The following PIGF variants were observed in gnomAD, a reference collection of about 807,000 sequenced individuals.
The protein encoded by PIGF is phosphatidylinositol glycan anchor biosynthesis class F, also known as GPI ethanolamine phosphate transferase, stabilizing subunit.
PIGF carries 23 observed loss-of-function variants against 26.0 expected under a neutral mutation model. That is an observed-to-expected ratio of 0.88 (90% confidence interval 0.64 to 1.25). PIGF has a LOEUF of 1.25. PIGF is among the 50% of genes most tolerant of loss of function. The pLI is 0.00. For missense variants in PIGF, 278 were observed against 249.9 expected (o/e 1.11, Z -0.76); for synonymous variants, 93 against 92.6 (o/e 1.00, Z -0.03).
At chr2:46,616,644 C>G (rs1244500417) in intron 1 of PIGF, 1 of 155,352 alleles carries the variant, frequency 6.4e-6, no homozygotes, top group South Asian at 1.8e-4. Flanking sequence ...CGGGCATCGC[C>G]GCACCTTCAC....
intron 4 of PIGF, among the ~76,000 whole-genome samples, chr2:46,604,262 G>T (rs774688710): frequency 6.6e-6 from 1 of 152,014 alleles, no homozygotes; most frequent in Non-Finnish European, 1.5e-5. Context: ...CATACTGTTG[G>T]TGGGAATGTA....
At chr2:46,596,943 A>T (rs755912952) in intron 4 of PIGF, among the ~76,000 whole-genome samples, 3 of 152,160 alleles carry the variant, frequency 2.0e-5, no homozygotes, top group Admixed American at 6.5e-5. Flanking sequence ...ATAATCTTTA[A>T]TTGTCCATGG....
intron 5 of PIGF, chr2:46,591,676 C>G: frequency 1.9e-6 from 2 of 1,041,454 alleles, no homozygotes; most frequent in Non-Finnish European, 2.4e-6. Flanking sequence ...TAATGGCATA[C>G]TACAAAGTCA....
rs186205049 is a variant in PIGF, at chr2:46,581,571, C to G, written c.567G>C (p.Thr189=). 5 of 1,611,216 alleles carry G rather than the reference C, an allele frequency of 3.1e-6. No individual in the cohort carries two copies. Among genetic ancestry groups the G allele is most frequent in the Non-Finnish European group, 4.2e-6 (5 of 1,179,354 alleles). ...CCACGTAGCCAAAGGTCGCTCCAAG[C>G]GTACAGGAGATGGGCCATACCTGAG... The part of the protein sequence containing the change: ...RPWQVWPISC[T]LGATFGYVAG... The change falls in exon 6 of 6, where the codon ACG becomes ACC. Residue 189 remains threonine, a synonymous_variant. Transcript: ENST00000281382.
intron 3 of PIGF, among the ~76,000 whole-genome samples, chr2:46,612,804 G>A (rs1205703685): frequency 6.6e-6 from 1 of 152,246 alleles, no homozygotes; most frequent in South Asian, 2.1e-4. Flanking sequence ...ATAAACTAAA[G>A]ATTGGTGGGG....
Position 46,606,496 on chromosome 2 carries a change from A to C in PIGF, c.437+5732T>G, listed in dbSNP as rs371588384. On this transcript the variant is annotated intron_variant, in intron 4 of 5. Coordinates refer to ENST00000281382, the MANE Select transcript of PIGF (RefSeq NM_002643.4). The stretch of plus-strand genomic sequence containing the variant: ...TCACAGTGTGGGTTAAATTTATCCT[A>C]ACCCTATCCCTTATTAAAGGATATT... Among the ~76,000 whole-genome samples the C allele has an allele frequency of 2.1e-4, 32 of 152,292 alleles. 1 individual carries two copies. The East Asian group carries it at 2.7e-3, about 13-fold the overall frequency.
At chr2:46,587,564 A>C (rs1669615566) in intron 5 of PIGF, among the ~76,000 whole-genome samples, 2 of 152,202 alleles carry the variant, frequency 1.3e-5, no homozygotes. Context: ...AGGTGTCTAA[A>C]ATTCAAAATC....
At chr2:46,590,358 ATAAT>A in intron 5 of PIGF, among the ~76,000 whole-genome samples, 1 of 152,254 alleles carries the variant, frequency 6.6e-6, no homozygotes, top group Middle Eastern at 3.4e-3. Flanking sequence ...TGAACTGTAA[ATAAT>A]TAAGATATAT....
chr2:46,590,937 C>G (rs1669705176), intron 5 of PIGF, among the ~76,000 whole-genome samples: 1 of 152,118 alleles, frequency 6.6e-6, no homozygotes, highest in Non-Finnish European at 1.5e-5. Context: ...TAACTGAAAG[C>G]ACAAAGAATA....
At chr2:46,585,327 T>A (rs1669535849) in intron 5 of PIGF, among the ~76,000 whole-genome samples, 1 of 152,206 alleles carries the variant, frequency 6.6e-6, no homozygotes, top group Non-Finnish European at 1.5e-5. Context: ...TACATTTTTT[T>A]AGCCAGTAAA....
At chr2:46,614,260 C>T (rs1223414684) in intron 2 of PIGF, 2 of 152,810 alleles carry the variant, frequency 1.3e-5, no homozygotes, top group Admixed American at 6.5e-5. Context: ...TCATATTACA[C>T]AACCCGTATG....
At chr2:46,608,052 T>C (rs2104126289) in intron 4 of PIGF, among the ~76,000 whole-genome samples, 1 of 152,350 alleles carries the variant, frequency 6.6e-6, no homozygotes, top group Middle Eastern at 3.4e-3. Flanking sequence ...CAATTGACTC[T>C]TCCTTCCAGA....
At chr2:46,611,788 GAAAT>G (rs1670427725) in intron 4 of PIGF, among the ~76,000 whole-genome samples, 1 of 152,028 alleles carries the variant, frequency 6.6e-6, no homozygotes, top group Non-Finnish European at 1.5e-5. Context: ...GGCTAAACAA[GAAAT>G]TATCATTGTT....
intron 4 of PIGF, among the ~76,000 whole-genome samples, chr2:46,606,707 C>T (rs1244104897): frequency 6.6e-6 from 1 of 152,068 alleles, no homozygotes. Context: ...CTTCTCAAAC[C>T]CTTAACACTA....
rs972966095 is a variant in PIGF at position 46,581,216 on chromosome 2, A to G, written c.*262T>C. 11 of 981,442 alleles carry G rather than the reference A, an allele frequency of 1.1e-5. No homozygotes were observed. The highest frequency in any genetic ancestry group is 3.2e-5 in the Admixed American group (1 of 30,992). 60.8% of individuals were successfully genotyped at this position (981,442 alleles called of 1,614,324 possible). On this transcript the variant is annotated 3_prime_UTR_variant, in exon 6 of 6. Transcript: ENST00000281382. The stretch of plus-strand genomic sequence containing the variant: ...AAAGAAAACAAAACCTGTCCTCAGA[A>G]TTCTATAAAGTGTATTAAGAATGTT...
intron 4 of PIGF, among the ~76,000 whole-genome samples, chr2:46,596,010 C>G (rs371341100): frequency 3.3e-5 from 5 of 151,924 alleles, no homozygotes; most frequent in Non-Finnish European, 7.4e-5. Context: ...GTCAGGAGTT[C>G]GAGACCAGCC....
rs1669653448 is a variant in PIGF, at chr2:46,588,865, C to G, written c.546+3610G>C. ...ATCTGTTGTACTTACTTACACAGAACATATGCTATGCATACAGTAATAACA... is the reference window on the plus strand; with the variant it reads ...ATCTGTTGTACTTACTTACACAGAAGATATGCTATGCATACAGTAATAACA... On this transcript the variant is annotated intron_variant, in intron 5 of 5. Transcript: ENST00000281382. This position sits in a 1 kb window ranked among gnomAD's most constrained non-coding sequence, Gnocchi z 4.1. Among the ~76,000 whole-genome samples, 1 of 152,130 alleles carries G rather than the reference C, an allele frequency of 6.6e-6. No homozygotes were observed. Among genetic ancestry groups the G allele is most frequent in the East Asian group, 1.9e-4 (1 of 5,202 alleles).
chr2:46,585,129 T>A (rs1669529464), intron 5 of PIGF, among the ~76,000 whole-genome samples: 1 of 152,232 alleles, frequency 6.6e-6, no homozygotes. Flanking sequence ...TGCACTGCTA[T>A]AAAGATTTCT....
chr2:46,592,342 A>G (rs937878024), intron 5 of PIGF, 133 bp downstream of exon 5: 3 of 628,714 alleles, frequency 4.8e-6, no homozygotes, highest in Admixed American at 2.4e-5. Flanking sequence ...CCCAGATTAC[A>G]GTGACTGATA....
Sources: gnomAD v4.1 joint callset for allele counts (sites outside exome capture counted in the v4.1 genomes callset) on GRCh38, gnomAD v4.1.1 for gene constraint, Gnocchi (gnomAD v3.1) non-coding constraint, MANE v1.5 for transcripts, NCBI Gene and HGNC (gene_info 2026-07-23, HGNC 2026-07-21) for gene names.